Variants in GDPD5 observed in about 807,000 individuals in gnomAD.
The protein encoded by GDPD5 is glycerophosphodiester phosphodiesterase domain containing 5.
A neutral mutation model predicts 75.1 loss-of-function variants in GDPD5; 48 were observed. That is an observed-to-expected ratio of 0.64 (90% CI 0.51 to 0.81). The LOEUF is 0.81. Among genes scored for constraint, GDPD5 ranks in the 40% least tolerant of loss-of-function variants. GDPD5 has a pLI of 0.00. For synonymous variants in GDPD5, 336 were observed against 339.0 expected (o/e 0.99, Z 0.10); for missense variants, 706 against 822.6 (o/e 0.86, Z 1.73).
chr11:75,525,710 G>T lies in GDPD5; in HGVS notation c.-645C>A, dbSNP rs867248045. On this transcript the variant is annotated 5_prime_UTR_variant, in exon 1 of 17. Coordinates refer to ENST00000336898, the MANE Select transcript of GDPD5 (RefSeq NM_030792.8). ...CGGGCAGGGCAGGGCAGGCGCCGGC[G>T]GGGAGGCGCGGCGGCCGGAGCCCCG... The T allele has an allele frequency of 6.6e-6, 1 of 150,980 alleles. No individual in the cohort carries two copies. The allele number at this position is 150,980 out of a possible 1,614,324, so 9.4% of individuals were successfully genotyped here.
At chr11:75,450,303 A>T in intron 6 of GDPD5, 1 of 419,706 alleles carries the variant, frequency 2.4e-6, no homozygotes, top group Non-Finnish European at 4.3e-6. Context: ...AGTAAGGGGG[A>T]CCTCCCTGGG....
chr11:75,485,299 G>A (rs1295633474), intron 2 of GDPD5: 2 of 152,086 alleles, frequency 1.3e-5, no homozygotes, highest in Non-Finnish European at 2.9e-5. Flanking sequence ...AACACAAGGA[G>A]GGAACTATAG....
At chr11:75,504,632 T>C (rs992291883) in intron 1 of GDPD5, among the ~76,000 whole-genome samples, 4 of 152,076 alleles carry the variant, frequency 2.6e-5, no homozygotes, top group Non-Finnish European at 4.4e-5. Context: ...GAAAGTGGAA[T>C]GGTGGGTGCC....
At chr11:75,452,499 G>A (rs1002216685) in intron 6 of GDPD5, among the ~76,000 whole-genome samples, 8 of 152,242 alleles carry the variant, frequency 5.3e-5, no homozygotes, top group African/African-American at 7.2e-5. Context: ...TGTGAGGAGT[G>A]AAATGACTGT....
At chr11:75,467,163 T>C (rs1298251409) in intron 3 of GDPD5, among the ~76,000 whole-genome samples, 1 of 152,140 alleles carries the variant, frequency 6.6e-6, no homozygotes, top group African/African-American at 2.4e-5. Flanking sequence ...ATTGTGGAGA[T>C]GGAAAGAGCA....
chr11:75,473,369 G>T (rs1392754532), intron 3 of GDPD5, among the ~76,000 whole-genome samples: 2 of 152,014 alleles, frequency 1.3e-5, no homozygotes, highest in Admixed American at 1.3e-4. Context: ...ATCCACCCAC[G>T]CTGGGCATCA....
chr11:75,500,413 TC>T (rs1310716434), intron 1 of GDPD5, among the ~76,000 whole-genome samples: 1 of 152,156 alleles, frequency 6.6e-6, no homozygotes, highest in African/African-American at 2.4e-5. Flanking sequence ...TGTGGGTAAA[TC>T]CATGGGGCAC....
At chr11:75,477,548 A>G in intron 3 of GDPD5, 71 bp downstream of exon 3, 1 of 953,232 alleles carries the variant, frequency 1.0e-6, no homozygotes, top group East Asian at 2.8e-5. Flanking sequence ...CAGAGCTAAG[A>G]CCCCTCCCCC....
chr11:75,517,873 G>A (rs1397572925), intron 1 of GDPD5, among the ~76,000 whole-genome samples: 1 of 152,198 alleles, frequency 6.6e-6, no homozygotes, highest in East Asian at 1.9e-4. Context: ...AGCAGGTGGT[G>A]CAGTTGGGTG....
intron 9 of GDPD5, among the ~76,000 whole-genome samples, chr11:75,444,814 A>T (rs533126078): frequency 6.6e-6 from 1 of 152,202 alleles, no homozygotes; most frequent in African/African-American, 2.4e-5. Context: ...TCATTGCTCT[A>T]TCCCAGGCAC....
At chr11:75,520,487 G>A (rs373378023) in intron 1 of GDPD5, among the ~76,000 whole-genome samples, 51 of 152,264 alleles carry the variant, frequency 3.3e-4, no homozygotes, top group Non-Finnish European at 5.7e-4. Flanking sequence ...GGGAGGGGAG[G>A]ATTCGGTGGG....
At chr11:75,488,671 A>T (rs1381219847) in intron 2 of GDPD5, among the ~76,000 whole-genome samples, 1 of 152,072 alleles carries the variant, frequency 6.6e-6, no homozygotes, top group Admixed American at 6.5e-5. Context: ...AATCCCATCC[A>T]TCTTAACAAA....
rs1248982706 is a variant in GDPD5 at position 75,462,768 on chromosome 11, C to G, written c.221+18G>C. ...CAGCTCTGGGCCCCTTCCTCCCCCA[C>G]CCACTGCCCCTACTCACCAGTTGAA... is the stretch of plus-strand genomic sequence containing the variant. On this transcript the variant is annotated intron_variant, in intron 4 of 16. Transcript: ENST00000336898. 1.3e-6 allele frequency: 2 copies of G among 1,592,434 alleles called. No individual in the cohort carries two copies. The highest frequency in any genetic ancestry group is 3.3e-5 in the Admixed American group (2 of 59,818).
intron 2 of GDPD5, among the ~76,000 whole-genome samples, chr11:75,486,176 T>C (rs1175982830): frequency 6.6e-6 from 1 of 152,094 alleles, no homozygotes; most frequent in Admixed American, 6.5e-5. Context: ...TCACCCCCAG[T>C]AGCAAAGCAG....
At chr11:75,458,368 T>C (rs1168171421) in intron 4 of GDPD5, among the ~76,000 whole-genome samples, 1 of 152,174 alleles carries the variant, frequency 6.6e-6, no homozygotes, top group Non-Finnish European at 1.5e-5. Flanking sequence ...ACCTATAGGA[T>C]GGGGATAAGA....
At position 75,438,941 on chromosome 11, in the gene GDPD5, A is replaced by G. The variant is rs535116984; in HGVS notation, c.1556+938T>C. 1.5e-3 allele frequency: 283 copies of G among 183,634 alleles called. 1 individual carries two copies. Among genetic ancestry groups the G allele is most frequent in the Non-Finnish European group, 2.7e-3 (233 of 86,864 alleles). The allele number at this position is 183,634 out of a possible 1,614,324, so 11.4% of individuals were successfully genotyped here. A position where few individuals can be genotyped will look rare whatever the true frequency, so the allele number is the denominator to read the frequency against. On this transcript the variant is annotated intron_variant, in intron 15 of 16. Coordinates refer to ENST00000336898, the MANE Select transcript of GDPD5 (RefSeq NM_030792.8). ...AGCCAGGGAGGGAGAAGATGGGAAG[A>G]GAGAGGCAGAAACTTGGTAGGGTCT...
chr11:75,435,736 GCAC>G, intron 16 of GDPD5, 81 bp from the exon 17 acceptor site: 1 of 1,429,628 alleles, frequency 7.0e-7, no homozygotes, highest in South Asian at 1.4e-5. Context: ...CAGGAAGGCT[GCAC>G]CACCCAGCGG....
intron 9 of GDPD5, among the ~76,000 whole-genome samples, chr11:75,447,442 A>G (rs1299092820): frequency 2.0e-5 from 3 of 152,140 alleles, no homozygotes; most frequent in Non-Finnish European, 2.9e-5. Context: ...TGAAGTGCCT[A>G]TGGGTAAGAC....
chr11:75,507,591 C>T (rs1294172832), intron 1 of GDPD5, among the ~76,000 whole-genome samples: 1 of 152,252 alleles, frequency 6.6e-6, no homozygotes, highest in Non-Finnish European at 1.5e-5. Context: ...AGGGCTGTCT[C>T]CTGTTCCCTT....
Sources: gnomAD v4.1 joint callset for allele counts (sites outside exome capture counted in the v4.1 genomes callset) on GRCh38, gnomAD v4.1.1 for gene constraint, MANE v1.5 for transcripts, NCBI Gene and HGNC (gene_info 2026-07-23, HGNC 2026-07-21) for gene names.